Variants in FLVCR2 observed in about 807,000 individuals in gnomAD.
FLVCR2 encodes choline/ethanolamine transporter FLVCR2.
FLVCR2 carries 38 observed loss-of-function variants against 48.9 expected under a neutral mutation model. That is an observed-to-expected ratio of 0.78 (90% CI 0.60 to 1.02). The LOEUF (loss-of-function observed/expected upper bound fraction) is 1.02. Ranked by LOEUF, FLVCR2 falls within the 50% of genes least tolerant of loss-of-function variation. The pLI is 0.00. For synonymous variants in FLVCR2, 255 were observed against 257.0 expected (o/e 0.99, Z 0.07); for missense variants, 664 against 663.3 (o/e 1.00, Z -0.01).
At chr14:75,605,608 G>C (rs921197014) in intron 1 of FLVCR2, 1 of 1,536,008 alleles carries the variant, frequency 6.5e-7, no homozygotes, top group African/African-American at 1.4e-5. Context: ...TGTGTTTGTA[G>C]AAGCGTGAGA....
At chr14:75,626,540 T>C (rs1889904364) in intron 3 of FLVCR2, among the ~76,000 whole-genome samples, 1 of 151,906 alleles carries the variant, frequency 6.6e-6, no homozygotes, top group African/African-American at 2.4e-5. Context: ...CCTCCGTTCC[T>C]CATTTCCTCC....
At chr14:75,603,457 C>T (rs1379086860) in intron 1 of FLVCR2, among the ~76,000 whole-genome samples, 8 of 152,214 alleles carry the variant, frequency 5.3e-5, no homozygotes, top group Non-Finnish European at 4.4e-5. Context: ...CCTTCCTGCT[C>T]CATCTGCTTT....
chr14:75,606,211 G>C (rs1889286955), intron 1 of FLVCR2, among the ~76,000 whole-genome samples: 1 of 152,036 alleles, frequency 6.6e-6, no homozygotes, highest in Admixed American at 6.6e-5. Context: ...TTTTTTTGTA[G>C]AGATGGGGTT....
Position 75,613,691 on chromosome 14 carries a change from C to T in FLVCR2, c.670-8388C>T, listed in dbSNP as rs146352812. On this transcript the variant is annotated intron_variant, in intron 1 of 9. Coordinates refer to ENST00000238667, the MANE Select transcript of FLVCR2 (RefSeq NM_017791.3). Reference sequence around the variant, plus strand: ...TCAGCCTCTCGAGTAGCTGGGATTACAGGTGCACATCACCATGCCCAGCTA... The same window carrying T: ...TCAGCCTCTCGAGTAGCTGGGATTATAGGTGCACATCACCATGCCCAGCTA... 5.9e-3 allele frequency among the ~76,000 whole-genome samples: 899 copies of T among 152,246 alleles called. 13 individuals are homozygous for T. The highest frequency in any genetic ancestry group is 0.021 in the African/African-American group (868 of 41,532).
rs141060503 is a variant in FLVCR2, at chr14:75,621,280, C to T, written c.670-799C>T. Among the ~76,000 whole-genome samples, 536 of 152,014 alleles carry T rather than the reference C, an allele frequency of 3.5e-3. 5 individuals are homozygous for T. Among genetic ancestry groups the T allele is most frequent in the South Asian group, 0.022 (108 of 4,810 alleles). On this transcript the variant is annotated intron_variant, in intron 1 of 9. Coordinates refer to ENST00000238667, the MANE Select transcript of FLVCR2 (RefSeq NM_017791.3). Reference sequence around the variant, plus strand: ...ACAAAAATTAGCCAGGTGTGGCGCACGCCTGTAGTTCCAGTTGCTCAGGAG... The same window carrying T: ...ACAAAAATTAGCCAGGTGTGGCGCATGCCTGTAGTTCCAGTTGCTCAGGAG...
intron 1 of FLVCR2, among the ~76,000 whole-genome samples, chr14:75,601,525 T>TAAAA (rs1018375506): frequency 2.0e-5 from 3 of 148,782 alleles, no homozygotes; most frequent in Admixed American, 6.7e-5. Flanking sequence ...TGGCTATTAT[T>TAAAA]AAAAAAAAAA....
chr14:75,598,638 G>C (rs952124124), intron 1 of FLVCR2, among the ~76,000 whole-genome samples: 1 of 152,038 alleles, frequency 6.6e-6, no homozygotes, highest in African/African-American at 2.4e-5. Flanking sequence ...ACCATGCCTG[G>C]CTAGTTATTT....
chr14:75,623,982 G>A (rs966774519), intron 2 of FLVCR2, among the ~76,000 whole-genome samples: 2 of 152,180 alleles, frequency 1.3e-5, no homozygotes, highest in Non-Finnish European at 2.9e-5. Context: ...AACCCGGGAG[G>A]CAGAGGCTGC....
chr14:75,588,199 T>C (rs938551171), intron 1 of FLVCR2, among the ~76,000 whole-genome samples: 3 of 152,162 alleles, frequency 2.0e-5, no homozygotes, highest in African/African-American at 7.2e-5. Context: ...TGAACAGAAA[T>C]TTATTTAGCT....
At chr14:75,605,680 A>G in intron 1 of FLVCR2, 1 of 1,488,572 alleles carries the variant, frequency 6.7e-7, no homozygotes, top group African/African-American at 1.4e-5. Context: ...GTGTGTCCGG[A>G]GCCTTAGGAG....
intron 1 of FLVCR2, among the ~76,000 whole-genome samples, chr14:75,616,111 G>A (rs1323810746): frequency 6.7e-6 from 1 of 150,192 alleles, no homozygotes; most frequent in Non-Finnish European, 1.5e-5. Flanking sequence ...AGCTGAGATG[G>A]GAAGACCACT....
At chr14:75,631,548 T>C (rs1164901940) in intron 3 of FLVCR2, among the ~76,000 whole-genome samples, 1 of 152,174 alleles carries the variant, frequency 6.6e-6, no homozygotes, top group East Asian at 1.9e-4. Context: ...TTCTGGATAA[T>C]TTCCTTTCTT....
Position 75,578,683 on chromosome 14 carries a change from G to A in FLVCR2, c.-290G>A, listed in dbSNP as rs529835153. ...ACTTTTCCTGCACAAGGAACGCCTC[G>A]TGGGGAGACCCAAGGCAGGAGCGGT... On this transcript the variant is annotated 5_prime_UTR_variant, in exon 1 of 10. In the 5' UTR this introduces an upstream ATG that the reference lacks. Coordinates refer to ENST00000238667, the MANE Select transcript of FLVCR2 (RefSeq NM_017791.3). 27 of 530,824 alleles carry A rather than the reference G, an allele frequency of 5.1e-5. No homozygotes were observed. The South Asian group carries it at 5.4e-4, about 11-fold the overall frequency. 32.9% of individuals were successfully genotyped at this position (530,824 alleles called of 1,614,324 possible). A position where few individuals can be genotyped will look rare whatever the true frequency, so the allele number is the denominator to read the frequency against.
At chr14:75,640,533 G>A (rs1423193315) in intron 6 of FLVCR2, among the ~76,000 whole-genome samples, 1 of 152,122 alleles carries the variant, frequency 6.6e-6, no homozygotes, top group Non-Finnish European at 1.5e-5. Context: ...AGGACTCTAA[G>A]CTCCTCCTTC....
At chr14:75,628,478 G>A (rs1202448867) in intron 3 of FLVCR2, among the ~76,000 whole-genome samples, 1 of 152,126 alleles carries the variant, frequency 6.6e-6, no homozygotes, top group African/African-American at 2.4e-5. Flanking sequence ...TTTCAGATTG[G>A]ACTTTGAAGA....
intron 3 of FLVCR2, chr14:75,633,020 A>G (rs1890083209): frequency 2.9e-6 from 2 of 700,258 alleles, no homozygotes; most frequent in African/African-American, 3.5e-5. Context: ...CGCTAAAGAT[A>G]CAGCCTTTCA....
intron 1 of FLVCR2, among the ~76,000 whole-genome samples, chr14:75,616,066 T>C (rs1419225802): frequency 7.6e-6 from 1 of 132,266 alleles, no homozygotes; most frequent in African/African-American, 2.7e-5. Context: ...AGTCCAGTTA[T>C]GGTGGCTCAT....
At chr14:75,611,533 C>T (rs1175365714) in intron 1 of FLVCR2, among the ~76,000 whole-genome samples, 5 of 151,962 alleles carry the variant, frequency 3.3e-5, no homozygotes, top group African/African-American at 1.2e-4. Context: ...CCCAGGAGTT[C>T]GAGACCAACC....
chr14:75,606,781 G>A (rs555533004), intron 1 of FLVCR2, among the ~76,000 whole-genome samples: 4 of 152,138 alleles, frequency 2.6e-5, no homozygotes, highest in South Asian at 4.2e-4. Flanking sequence ...GAAAAACCCC[G>A]TCTTTACAAA....
Sources: allele counts gnomAD v4.1 joint callset (sites outside exome capture counted in the v4.1 genomes callset), GRCh38; gene constraint gnomAD v4.1.1; transcripts MANE v1.5; gene names NCBI Gene and HGNC (gene_info 2026-07-23, HGNC 2026-07-21).